The following WRN variants were observed in gnomAD, a reference collection of about 807,000 sequenced individuals.
The protein encoded by WRN is bifunctional 3'-5' exonuclease/ATP-dependent helicase WRN.
WRN carries 149 observed loss-of-function variants against 180.7 expected under a neutral mutation model. The ratio of observed to expected loss-of-function variants is 0.82; its 90% CI spans 0.72 to 0.94. The LOEUF is 0.94. WRN is among the 40% of genes least tolerant of loss of function. The pLI is 0.00. For missense variants in WRN, 1,661 were observed against 1,700.1 expected (o/e 0.98, Z 0.40); for synonymous variants, 548 against 568.9 (o/e 0.96, Z 0.52).
At chr8:31,065,878 C>CTTTTTT (rs1201740447) in intron 5 of WRN, among the ~76,000 whole-genome samples, 2 of 130,670 alleles carry the variant, frequency 1.5e-5, no homozygotes, top group African/African-American at 2.8e-5. Context: ...AGTTTCTTTT[C>CTTTTTT]TTTTTTTTTT....
intron 18 of WRN, among the ~76,000 whole-genome samples, chr8:31,104,625 T>C (rs1801018604): frequency 6.6e-6 from 1 of 152,202 alleles, no homozygotes; most frequent in Non-Finnish European, 1.5e-5. Context: ...TTCCTAAAAT[T>C]GTTACAGTTT....
chr8:31,086,759 T>A (rs1365698349), intron 11 of WRN, among the ~76,000 whole-genome samples: 1 of 152,186 alleles, frequency 6.6e-6, no homozygotes, highest in East Asian at 1.9e-4. Context: ...AGCCTGACAT[T>A]TAGTAAGTGT....
chr8:31,147,288 T>A, intron 29 of WRN, 76 bp from the exon 30 acceptor site: 1 of 1,494,210 alleles, frequency 6.7e-7, no homozygotes, highest in Non-Finnish European at 9.3e-7. Flanking sequence ...AAATGTGGTA[T>A]CTGAAGCTCT....
chr8:31,087,737 T>C, intron 11 of WRN, 39 bp from the exon 12 acceptor site: 2 of 1,592,546 alleles, frequency 1.3e-6, no homozygotes, highest in Non-Finnish European at 1.7e-6. Flanking sequence ...TACGACACTG[T>C]CAGTGGTTTT....
At chr8:31,066,971 T>C in intron 5 of WRN, 62 bp from the exon 6 acceptor site, 4 of 1,588,566 alleles carry the variant, frequency 2.5e-6, no homozygotes, top group Non-Finnish European at 2.6e-6. Context: ...TCATTTGATA[T>C]CATTTGGTAA....
At position 31,072,440 on chromosome 8, in the gene WRN, A is replaced by G. The variant is rs114324376; in HGVS notation, c.725-3733A>G. On this transcript the variant is annotated intron_variant, in intron 7 of 34. Coordinates refer to ENST00000298139, the MANE Select transcript of WRN (RefSeq NM_000553.6). The stretch of plus-strand genomic sequence containing the variant: ...TTGGTAACATGAAGGTCCTATAACC[A>G]TAGCAAGAGAATGAGGTGGGTGGAA... Among the ~76,000 whole-genome samples the G allele has an allele frequency of 7.3e-3, 1,118 of 152,332 alleles. 16 individuals carry two copies. The highest frequency in any genetic ancestry group is 0.026 in the African/African-American group (1,078 of 41,580).
At chr8:31,116,632 A>G in intron 20 of WRN, 104 bp downstream of exon 20, 4 of 1,489,836 alleles carry the variant, frequency 2.7e-6, no homozygotes, top group African/African-American at 1.4e-5. Flanking sequence ...TTTGTGTTGA[A>G]CATAAAGCAG....
intron 14 of WRN, 31 bp from the exon 15 acceptor site, chr8:31,090,802 TC>T: frequency 4.6e-6 from 7 of 1,518,244 alleles, no homozygotes; most frequent in African/African-American, 1.4e-5. Context: ...TATATTTTTT[TC>T]ATTTTATTTT....
intron 1 of WRN, among the ~76,000 whole-genome samples, chr8:31,034,966 G>C (rs1336192664): frequency 6.6e-6 from 1 of 152,194 alleles, no homozygotes; most frequent in African/African-American, 2.4e-5. Flanking sequence ...CTCAGACCGG[G>C]AGTGAGACGG....
chr8:31,048,177 C>T (rs1344734700), intron 1 of WRN, among the ~76,000 whole-genome samples: 3 of 152,176 alleles, frequency 2.0e-5, no homozygotes, highest in Admixed American at 6.5e-5. Context: ...AAAATTACAT[C>T]GTCTTACTAC....
rs1803424841 is a variant in WRN at position 31,157,355 on chromosome 8, G to A, written c.3820-13G>A. On this transcript the variant is annotated splice_polypyrimidine_tract_variant and intron_variant, in intron 32 of 34. Coordinates refer to ENST00000298139, the MANE Select transcript of WRN (RefSeq NM_000553.6). ...TTTACAACTCACTGGGTTCTTTGCT[G>A]ATCTTTCTCTAGAAGAGCATAGCTG... 4 of 1,613,346 alleles carry A rather than the reference G, an allele frequency of 2.5e-6. No individual in the cohort carries two copies. The African/African-American group carries it at 5.3e-5, about 22-fold the overall frequency.
chr8:31,093,502 C>T (rs1813840537), intron 16 of WRN, among the ~76,000 whole-genome samples: 1 of 152,064 alleles, frequency 6.6e-6, no homozygotes, highest in South Asian at 2.1e-4. Context: ...TGATAGACAC[C>T]TAGGCTATTT....
intron 31 of WRN, among the ~76,000 whole-genome samples, chr8:31,152,392 T>A (rs1172231245): frequency 1.3e-5 from 2 of 152,044 alleles, no homozygotes; most frequent in Non-Finnish European, 2.9e-5. Flanking sequence ...TTATTTATTT[T>A]AAAAAAATTC....
chr8:31,085,028 A>G, intron 10 of WRN, 138 bp from the exon 11 acceptor site: 1 of 526,134 alleles, frequency 1.9e-6, no homozygotes. Context: ...TCATATAAAT[A>G]TGTAAATATA....
intron 24 of WRN, among the ~76,000 whole-genome samples, chr8:31,138,915 A>C (rs1322905553): frequency 3.9e-5 from 6 of 152,156 alleles, no homozygotes; most frequent in Admixed American, 3.3e-4. Flanking sequence ...CCTTTTTGTG[A>C]AAGATCACCC....
At position 31,120,403 on chromosome 8, in the gene WRN, C is replaced by T. The variant is rs188554751; in HGVS notation, c.2609C>T (p.Pro870Leu). 2.5e-6 allele frequency: 4 copies of T among 1,612,506 alleles called. No individual in the cohort carries two copies. The African/African-American group carries it at 4.0e-5, about 16-fold the overall frequency. ...LQSSCHVLWA[P>L]ADINLNRHLL... is the part of the protein sequence containing the mutation. ...AGTTCTTGTCACGTCCTCTGGGCTC[C>T]TGCAGACATTAACTTAAATAGGTAA... Residue 870 changes from proline (P) to leucine (L), a missense_variant, in exon 21 of 35, where the codon CCT (proline) becomes CTT (leucine). Transcript: ENST00000298139.
chr8:31,085,388 A>G, intron 11 of WRN, 142 bp downstream of exon 11: 1 of 927,738 alleles, frequency 1.1e-6, no homozygotes, highest in East Asian at 2.7e-5. Context: ...ACATTTTCCA[A>G]TTCATGTTTC....
rs542049805 is a variant in WRN, at chr8:31,067,506, T to C, written c.654+324T>C. 1.1e-4 allele frequency among the ~76,000 whole-genome samples: 17 copies of C among 152,294 alleles called. No individual in the cohort carries two copies. The South Asian group carries it at 3.5e-3, about 32-fold the overall frequency. Reference sequence around the variant, plus strand: ...ATCCAGGCTGAGCAAGCATAAATAGTACTGATGATGGATTTGATATATAAA... The same window carrying C: ...ATCCAGGCTGAGCAAGCATAAATAGCACTGATGATGGATTTGATATATAAA... On this transcript the variant is annotated intron_variant, in intron 6 of 34. Coordinates refer to ENST00000298139, the MANE Select transcript of WRN (RefSeq NM_000553.6).
chr8:31,076,139 T>C, intron 7 of WRN, 34 bp from the exon 8 acceptor site: 1 of 1,526,576 alleles, frequency 6.6e-7, no homozygotes, highest in Non-Finnish European at 9.1e-7. Flanking sequence ...TGCTTTGTGG[T>C]TTGAAAATTA....
Sources: allele counts gnomAD v4.1 joint callset (sites outside exome capture counted in the v4.1 genomes callset), GRCh38; gene constraint gnomAD v4.1.1; transcripts MANE v1.5; gene names NCBI Gene and HGNC (gene_info 2026-07-23, HGNC 2026-07-21).